SEMA6D: variants seen among roughly 807,000 people sequenced by gnomAD.
The protein encoded by SEMA6D is semaphorin 6D, also known as semaphorin-6D.
A neutral mutation model predicts 106.6 loss-of-function variants in SEMA6D; 35 were observed. The observed-to-expected ratio is 0.33, with a 90% CI of 0.25 to 0.44. The LOEUF is 0.44. Among genes scored for constraint, SEMA6D ranks in the 20% least tolerant of loss-of-function variants. SEMA6D has a pLI of 1.00. For synonymous variants in SEMA6D, 499 were observed against 487.7 expected (o/e 1.02, Z -0.31); for missense variants, 1,185 against 1,345.9 (o/e 0.88, Z 1.87).
At chr15:47,441,796 A>G (rs1210088965) in intron 2 of SEMA6D, among the ~76,000 whole-genome samples, 2 of 152,062 alleles carry the variant, frequency 1.3e-5, no homozygotes, top group African/African-American at 2.4e-5. Flanking sequence ...CAGAGAAAGC[A>G]TTTGTAGCCT....
At chr15:47,659,485 G>A (rs962503584) in intron 4 of SEMA6D, among the ~76,000 whole-genome samples, 1 of 151,894 alleles carries the variant, frequency 6.6e-6, no homozygotes, top group African/African-American at 2.4e-5. Flanking sequence ...AAAAATTAAA[G>A]TATTATAAGA....
At position 47,379,747 on chromosome 15, in the gene SEMA6D, TA is replaced by T. The variant is rs145612880; in HGVS notation, c.-238-32644del. ...AGCAGAAAATAAGATTTTATTTTTTTAATTTTAATTTCATTTAATTTTGTTT... is the reference window on the plus strand; with the variant it reads ...AGCAGAAAATAAGATTTTATTTTTTTATTTTAATTTCATTTAATTTTGTTT... On this transcript the variant is annotated intron_variant, in intron 1 of 19. Transcript: ENST00000558014. Among the ~76,000 whole-genome samples the T allele has an allele frequency of 7.1e-3, 1,081 of 152,320 alleles. 10 individuals are homozygous for T. Among genetic ancestry groups the T allele is most frequent in the African/African-American group, 0.021 (865 of 41,570 alleles).
intron 1 of SEMA6D, among the ~76,000 whole-genome samples, chr15:47,354,187 CTCTCTCTCTCTCTATATA>C (rs1415296232): frequency 3.5e-4 from 9 of 25,842 alleles, no homozygotes; most frequent in African/African-American, 1.6e-3. Context: ...CTCTCTCTCT[CTCTCTCTCTCTCTATATA>C]TATATATATA....
intron 3 of SEMA6D, among the ~76,000 whole-genome samples, chr15:47,597,307 G>A (rs2076556299): frequency 6.6e-6 from 1 of 151,980 alleles, no homozygotes; most frequent in Non-Finnish European, 1.5e-5. Context: ...GAAAACTGTG[G>A]ACATTCCTCA....
At chr15:47,603,520 A>G (rs1596412473) in intron 4 of SEMA6D, 1 of 152,242 alleles carries the variant, frequency 6.6e-6, no homozygotes, top group East Asian at 1.9e-4. Flanking sequence ...CTTTCTCAAC[A>G]AGTCGCCAAA....
At chr15:47,385,852 TTA>T (rs1479843073) in intron 1 of SEMA6D, among the ~76,000 whole-genome samples, 2 of 152,226 alleles carry the variant, frequency 1.3e-5, no homozygotes. Context: ...CTAGCACTTA[TTA>T]TGTTAGCAAG....
rs753967648 is a variant in SEMA6D, at chr15:47,766,606, A to G, written c.1647-10A>G. Reference sequence around the variant, plus strand: ...TTAACCGAAGACTTCTTTGCTTTCCATAACCACAGTGCTGAAGGATATGAA... The same window carrying G: ...TTAACCGAAGACTTCTTTGCTTTCCGTAACCACAGTGCTGAAGGATATGAA... On this transcript the variant is annotated splice_polypyrimidine_tract_variant and intron_variant, in intron 15 of 18. Transcript: ENST00000536845. The G allele has an allele frequency of 3.7e-5, 60 of 1,612,434 alleles. No individual in the cohort carries two copies. The highest frequency in any genetic ancestry group is 4.7e-5 in the Non-Finnish European group (55 of 1,179,136).
At chr15:47,709,505 T>C (rs1254013612) in intron 4 of SEMA6D, among the ~76,000 whole-genome samples, 1 of 152,222 alleles carries the variant, frequency 6.6e-6, no homozygotes, top group East Asian at 1.9e-4. Context: ...TGTAGCACTT[T>C]ACACAAAGCA....
intron 1 of SEMA6D, among the ~76,000 whole-genome samples, chr15:47,375,856 A>G (rs1259578036): frequency 6.6e-6 from 1 of 152,238 alleles, no homozygotes. Context: ...TATTGTATTA[A>G]TTGGAAAAGG....
intron 3 of SEMA6D, among the ~76,000 whole-genome samples, chr15:47,479,865 C>CTTTTT (rs887943372): frequency 2.1e-4 from 26 of 126,156 alleles, no homozygotes; most frequent in African/African-American, 6.1e-4. Flanking sequence ...TCTTATCATT[C>CTTTTT]TTTTTTTTTT....
At chr15:47,285,494 A>C (rs778682211) in intron 1 of SEMA6D, among the ~76,000 whole-genome samples, 1 of 152,030 alleles carries the variant, frequency 6.6e-6, no homozygotes, top group African/African-American at 2.4e-5. Context: ...AAAAAAGGGA[A>C]GGAGAAAGTA....
chr15:47,486,279 A>G (rs369836827), intron 3 of SEMA6D, among the ~76,000 whole-genome samples: 1 of 152,252 alleles, frequency 6.6e-6, no homozygotes, highest in South Asian at 2.1e-4. Flanking sequence ...ACTCATGTCA[A>G]GAAAATAAAC....
At chr15:47,581,846 A>G (rs1269374370) in intron 3 of SEMA6D, among the ~76,000 whole-genome samples, 1 of 152,192 alleles carries the variant, frequency 6.6e-6, no homozygotes, top group African/African-American at 2.4e-5. Context: ...GAGAGTTTAT[A>G]CTTCATGCCC....
chr15:47,464,137 TG>T (rs2042592689), intron 2 of SEMA6D, among the ~76,000 whole-genome samples: 1 of 152,132 alleles, frequency 6.6e-6, no homozygotes, highest in Non-Finnish European at 1.5e-5. Context: ...ACATATCTTT[TG>T]GGGGGCTGCC....
chr15:47,426,726 A>G (rs1213466093), intron 2 of SEMA6D, among the ~76,000 whole-genome samples: 1 of 152,144 alleles, frequency 6.6e-6, no homozygotes, highest in Non-Finnish European at 1.5e-5. Context: ...ATACATATAT[A>G]ATACCAAATA....
chr15:47,191,274 C>T (rs1012594891), intron 1 of SEMA6D, among the ~76,000 whole-genome samples: 30 of 151,710 alleles, frequency 2.0e-4, no homozygotes, highest in African/African-American at 6.5e-4. Flanking sequence ...AATATTTAGA[C>T]AATCTAAAAA....
chr15:47,202,925 G>T (rs376020632), intron 1 of SEMA6D, among the ~76,000 whole-genome samples: 1 of 152,100 alleles, frequency 6.6e-6, no homozygotes, highest in African/African-American at 2.4e-5. Context: ...ATCCACCATG[G>T]TGTATAAAAT....
chr15:47,592,371 CAT>C (rs1181158241), intron 3 of SEMA6D, among the ~76,000 whole-genome samples: 2 of 152,152 alleles, frequency 1.3e-5, no homozygotes, highest in Admixed American at 6.5e-5. Context: ...CAGTACCTAA[CAT>C]ATGAATTTTT....
chr15:47,686,377 C>G (rs1320585269), intron 4 of SEMA6D, among the ~76,000 whole-genome samples: 1 of 152,190 alleles, frequency 6.6e-6, no homozygotes, highest in Non-Finnish European at 1.5e-5. Flanking sequence ...GAAGACTTAC[C>G]TATCTAACCA....
Sources: allele counts gnomAD v4.1 joint callset (sites outside exome capture counted in the v4.1 genomes callset), GRCh38; gene constraint gnomAD v4.1.1; transcripts MANE v1.5; gene names NCBI Gene and HGNC (gene_info 2026-07-23, HGNC 2026-07-21).